Variants in TAF5 observed in about 807,000 individuals in gnomAD.
TAF5 encodes the protein TATA-box binding protein associated factor 5, also known as transcription initiation factor TFIID subunit 5.
Under a neutral mutation model 80.9 loss-of-function variants are expected in TAF5, and 20 were observed. The ratio of observed to expected loss-of-function variants is 0.25; its 90% CI spans 0.17 to 0.36. The LOEUF (loss-of-function observed/expected upper bound fraction) is 0.36, where lower values mean the gene tolerates loss of function less well. Ranked by LOEUF, TAF5 falls within the 10% of genes least tolerant of loss-of-function variation. The pLI is 1.00. For synonymous variants in TAF5, 388 were observed against 406.4 expected, an observed-to-expected ratio of 0.95 and a Z score of 0.55; for missense variants, 863 against 1,029.4, an observed-to-expected ratio of 0.84 and a Z score of 2.21.
At position 103,373,590 on chromosome 10, in the gene TAF5, T is replaced by A. The variant is rs1245941497; in HGVS notation, c.792T>A (p.Phe264Leu). 1 of 1,609,260 alleles carries A rather than the reference T, an allele frequency of 6.2e-7. No homozygotes were observed. The highest frequency in any genetic ancestry group is 8.5e-7 in the Non-Finnish European group (1 of 1,176,190). ...NQHENEAKSF[F>L]EKFHGDQECY... ...ATGAGAATGAAGCAAAGTCATTCTT[T>A]GAGAAGTATGTAAATTTTTACATAT... The change falls in exon 2 of 11, where the codon TTT (phenylalanine) becomes TTA (leucine). Residue 264 changes from phenylalanine to leucine, a missense_variant. Transcript: ENST00000369839.
intron 8 of TAF5, 39 bp from the exon 9 acceptor site, chr10:103,387,136 A>C: frequency 6.3e-7 from 1 of 1,580,998 alleles, no homozygotes; most frequent in South Asian, 1.1e-5. Flanking sequence ...ACAGCTATCT[A>C]CTAATTGTCA....
chr10:103,377,252 C>G (rs2093372213), intron 2 of TAF5, among the ~76,000 whole-genome samples: 1 of 152,200 alleles, frequency 6.6e-6, no homozygotes, highest in South Asian at 2.1e-4. Context: ...CCATTATGGA[C>G]AGTCTCACCC....
At position 103,368,040 on chromosome 10, in the gene TAF5, T is replaced by C; in HGVS notation, c.51T>C (p.Pro17=). 6.9e-7 allele frequency: 1 copy of C among 1,453,076 alleles called. No individual in the cohort carries two copies. Among genetic ancestry groups the C allele is most frequent in the Non-Finnish European group, 9.0e-7 (1 of 1,106,668 alleles). 90.0% of individuals were successfully genotyped at this position (1,453,076 alleles called of 1,614,324 possible). A position where few individuals can be genotyped will look rare whatever the true frequency, so the allele number is the denominator to read the frequency against. The part of the protein sequence containing the change: ...EQTEVAVKLE[P]EGPPTLLPPQ... ...CGGAGGTGGCGGTCAAGCTAGAGCCTGAGGGACCGCCAACGCTGCTACCTC... is the reference window on the plus strand; with the variant it reads ...CGGAGGTGGCGGTCAAGCTAGAGCCCGAGGGACCGCCAACGCTGCTACCTC... Residue 17 remains proline, a synonymous_variant, in exon 1 of 11, where the codon CCT becomes CCC. Transcript: ENST00000369839.
At chr10:103,383,398 G>T in intron 7 of TAF5, 31 bp downstream of exon 7, 1 of 1,553,260 alleles carries the variant, frequency 6.4e-7, no homozygotes, top group Non-Finnish European at 8.6e-7. Flanking sequence ...ATTAAATACT[G>T]CTATGTTATA....
chr10:103,371,635 A>G (rs769161428), intron 1 of TAF5, among the ~76,000 whole-genome samples: 6 of 152,216 alleles, frequency 3.9e-5, no homozygotes, highest in Non-Finnish European at 8.8e-5. Context: ...GCATATAACT[A>G]TCTTTTGAAG....
intron 5 of TAF5, among the ~76,000 whole-genome samples, chr10:103,381,121 G>A (rs1261367057): frequency 6.6e-6 from 1 of 151,506 alleles, no homozygotes; most frequent in Non-Finnish European, 1.5e-5. Flanking sequence ...GCTAATTTTT[G>A]TATTTTCAGT....
At position 103,387,036 on chromosome 10, in the gene TAF5, C is replaced by T. The variant is rs180959016; in HGVS notation, c.1830-139C>T. On this transcript the variant is annotated intron_variant, in intron 8 of 10. Transcript: ENST00000369839. ...GACTGTGAGTCTCATTTTTCTTCCC[C>T]TCAGTTAACTAGTAAGTGGGGGGCC... The T allele has an allele frequency of 1.3e-3, 938 of 749,176 alleles. 3 individuals carry two copies. The highest frequency in any genetic ancestry group is 2.0e-3 in the Middle Eastern group (5 of 2,500). 46.4% of individuals were successfully genotyped at this position (749,176 alleles called of 1,614,324 possible). A position where few individuals can be genotyped will look rare whatever the true frequency, so the allele number is the denominator to read the frequency against.
intron 1 of TAF5, 116 bp from the exon 2 acceptor site, chr10:103,373,242 T>G (rs2093363631): frequency 9.4e-6 from 7 of 744,972 alleles, no homozygotes; most frequent in Non-Finnish European, 1.1e-5. Flanking sequence ...GAAGAGACAG[T>G]GGGAAGAAAG....
chr10:103,381,510 A>C (rs2093382885), intron 5 of TAF5, among the ~76,000 whole-genome samples: 1 of 151,936 alleles, frequency 6.6e-6, no homozygotes, highest in South Asian at 2.1e-4. Flanking sequence ...CAGGTGATCC[A>C]CCTGTCTCAG....
chr10:103,372,276 GT>G (rs1443088191), intron 1 of TAF5, among the ~76,000 whole-genome samples: 1 of 151,162 alleles, frequency 6.6e-6, no homozygotes, highest in East Asian at 2.0e-4. Context: ...ATGGGTTTCG[GT>G]TTGGGTGATG....
intron 8 of TAF5, 104 bp from the exon 9 acceptor site, chr10:103,387,070 AC>A (rs2093398341): frequency 2.2e-6 from 2 of 924,306 alleles, no homozygotes; most frequent in East Asian, 6.3e-5. Flanking sequence ...CCCACTCAGA[AC>A]TAACTTTTTA....
At chr10:103,368,932 CTTTA>C (rs2093352474) in intron 1 of TAF5, among the ~76,000 whole-genome samples, 1 of 151,908 alleles carries the variant, frequency 6.6e-6, no homozygotes, top group Non-Finnish European at 1.5e-5. Flanking sequence ...TTTATTTTCT[CTTTA>C]TTTCTTTAGT....
chr10:103,383,881 A>C (rs898143944), intron 7 of TAF5, among the ~76,000 whole-genome samples: 10 of 152,036 alleles, frequency 6.6e-5, no homozygotes. Context: ...CCTGGCCTGT[A>C]TACTCAAATT....
chr10:103,373,704 A>T lies in TAF5; in HGVS notation c.797+109A>T, dbSNP rs11191670. 2.9e-3 allele frequency: 2,433 copies of T among 834,092 alleles called. 74 individuals are homozygous for T. In the East Asian group the frequency reaches 0.048, roughly 16 times the overall value. The allele number at this position is 834,092 out of a possible 1,614,324, so 51.7% of individuals were successfully genotyped here. On this transcript the variant is annotated intron_variant, in intron 2 of 10. Transcript: ENST00000369839. Reference sequence around the variant, plus strand: ...AAAAATGTAAGACTGCAACTTAAAAAGTACGTTGTGAAGGAGAGGTACCTG... The same window carrying T: ...AAAAATGTAAGACTGCAACTTAAAATGTACGTTGTGAAGGAGAGGTACCTG...
chr10:103,380,287 C>T (rs1227333985), intron 5 of TAF5, among the ~76,000 whole-genome samples: 1 of 152,110 alleles, frequency 6.6e-6, no homozygotes, highest in Non-Finnish European at 1.5e-5. Flanking sequence ...TACCGCCATG[C>T]CCGGCTAATT....
chr10:103,388,278 A>C lies in TAF5; in HGVS notation c.*55A>C. 1 of 1,389,454 alleles carries C rather than the reference A, an allele frequency of 7.2e-7. No homozygotes were observed. Among genetic ancestry groups the C allele is most frequent in the African/African-American group, 1.4e-5 (1 of 69,304 alleles). 86.1% of individuals were successfully genotyped at this position (1,389,454 alleles called of 1,614,324 possible). A position where few individuals can be genotyped will look rare whatever the true frequency, so the allele number is the denominator to read the frequency against. ...TACTGTTTTTAAAAAGGGAGACTAAAAGCAAATACCTCAGTGATTAATATT... is the reference window on the plus strand; with the variant it reads ...TACTGTTTTTAAAAAGGGAGACTAACAGCAAATACCTCAGTGATTAATATT... On this transcript the variant is annotated 3_prime_UTR_variant, in exon 11 of 11. Coordinates refer to ENST00000369839, the MANE Select transcript of TAF5 (RefSeq NM_006951.5).
intron 1 of TAF5, among the ~76,000 whole-genome samples, chr10:103,369,849 G>C (rs2093355061): frequency 6.6e-6 from 1 of 152,168 alleles, no homozygotes; most frequent in African/African-American, 2.4e-5. Context: ...ATGTGTTTAG[G>C]CATGGGCATT....
chr10:103,375,359 G>A (rs2093368166), intron 2 of TAF5, among the ~76,000 whole-genome samples: 1 of 152,108 alleles, frequency 6.6e-6, no homozygotes, highest in Non-Finnish European at 1.5e-5. Flanking sequence ...GGCTAGGGAG[G>A]TGAGGGAGAT....
intron 2 of TAF5, among the ~76,000 whole-genome samples, chr10:103,376,998 C>T (rs557799676): frequency 3.3e-5 from 5 of 152,202 alleles, no homozygotes; most frequent in South Asian, 4.2e-4. Context: ...GAGCTGAGAT[C>T]GCGTAAACAA....
Sources: gnomAD v4.1 joint callset for allele counts (sites outside exome capture counted in the v4.1 genomes callset) on GRCh38, gnomAD v4.1.1 for gene constraint, MANE v1.5 for transcripts, NCBI Gene and HGNC (gene_info 2026-07-23, HGNC 2026-07-21) for gene names.